MKRN2: variants seen among roughly 807,000 people sequenced by gnomAD.
MKRN2 encodes the protein makorin ring finger protein 2.
MKRN2 carries 32 observed loss-of-function variants against 45.4 expected under a neutral mutation model. The observed-to-expected ratio is 0.70, with a 90% CI of 0.53 to 0.95. The LOEUF (loss-of-function observed/expected upper bound fraction) is 0.95. Among genes scored for constraint, MKRN2 ranks in the 40% least tolerant of loss-of-function variants. MKRN2 has a pLI of 0.00. For missense variants in MKRN2, 526 were observed against 536.7 expected (o/e 0.98, Z 0.20); for synonymous variants, 206 against 192.4 (o/e 1.07, Z -0.59).
At chr3:12,563,721 C>T (rs1411833959) in intron 1 of MKRN2, among the ~76,000 whole-genome samples, 1 of 51,824 alleles carries the variant, frequency 1.9e-5, no homozygotes, top group Non-Finnish European at 3.6e-5. Flanking sequence ...AACTCCTGAC[C>T]TCATGATCCG....
At chr3:12,576,062 T>C (rs977369759) in intron 5 of MKRN2, among the ~76,000 whole-genome samples, 3 of 152,208 alleles carry the variant, frequency 2.0e-5, no homozygotes, top group African/African-American at 4.8e-5. Flanking sequence ...TTTTATGGTA[T>C]AATAACTCTA....
At chr3:12,573,236 G>A (rs1046647490) in intron 4 of MKRN2, among the ~76,000 whole-genome samples, 11 of 152,032 alleles carry the variant, frequency 7.2e-5, no homozygotes, top group Non-Finnish European at 1.5e-4. Flanking sequence ...GATAAGAGGC[G>A]GGGGAGGGCC....
intron 1 of MKRN2, among the ~76,000 whole-genome samples, chr3:12,563,996 A>C (rs1465206777): frequency 6.6e-6 from 1 of 151,456 alleles, no homozygotes; most frequent in Non-Finnish European, 1.5e-5. Context: ...CCCAGGCTGG[A>C]GTGCAGTGGC....
intron 4 of MKRN2, among the ~76,000 whole-genome samples, chr3:12,573,491 GC>G: frequency 6.6e-6 from 1 of 151,582 alleles, no homozygotes; most frequent in East Asian, 1.9e-4. Flanking sequence ...CCAAGATTGT[GC>G]CACTGCACTA....
chr3:12,576,946 T>TTTTTTTTTTTG (rs2058143692), intron 6 of MKRN2: 2 of 271,292 alleles, frequency 7.4e-6, no homozygotes, highest in African/African-American at 2.9e-5. Flanking sequence ...TTTTTTTTTT[T>TTTTTTTTTTTG]TTTTTTTTTT....
At position 12,572,343 on chromosome 3, in the gene MKRN2, C is replaced by T. The variant is rs138757842; in HGVS notation, c.612C>T (p.Phe204=). The T allele has an allele frequency of 5.2e-5, 83 of 1,588,496 alleles. No individual in the cohort carries two copies. In the African/African-American group the frequency reaches 8.2e-4, roughly 16 times the overall value. ...GTAGGCTGCAAGTCTTGCACCCATT[C>T]GACCCAGAGCAGAGGAAGGCTCATG... is the stretch of plus-strand genomic sequence containing the variant. The part of the protein sequence containing the change: ...EICRLQVLHP[F]DPEQRKAHEK... Residue 204 remains phenylalanine, a synonymous_variant, in exon 4 of 8, where the codon TTC becomes TTT. Transcript: ENST00000170447.
At chr3:12,565,525 T>G (rs2058064161) in intron 1 of MKRN2, among the ~76,000 whole-genome samples, 1 of 24,156 alleles carries the variant, frequency 4.1e-5, no homozygotes, top group African/African-American at 7.0e-4. Flanking sequence ...CCAACTTACC[T>G]TTTTTTTTTT....
intron 1 of MKRN2, among the ~76,000 whole-genome samples, chr3:12,559,959 A>T (rs2058022782): frequency 1.3e-5 from 2 of 152,194 alleles, no homozygotes; most frequent in Non-Finnish European, 2.9e-5. Context: ...AAAGTCACAA[A>T]ACATGGGGGA....
At chr3:12,574,423 A>T (rs1042503884) in intron 4 of MKRN2, among the ~76,000 whole-genome samples, 1 of 152,252 alleles carries the variant, frequency 6.6e-6, no homozygotes, top group African/African-American at 2.4e-5. Flanking sequence ...TCTGATGTAG[A>T]CATGGCTCAG....
Position 12,557,087 on chromosome 3 carries a change from A to AAGGCCG in MKRN2, c.-59_-54dup. 1 of 1,331,804 alleles carries AAGGCCG rather than the reference A, an allele frequency of 7.5e-7. No homozygotes were observed. Among genetic ancestry groups the AAGGCCG allele is most frequent in the Non-Finnish European group, 9.8e-7 (1 of 1,025,420 alleles). The allele number at this position is 1,331,804 out of a possible 1,614,324, so 82.5% of individuals were successfully genotyped here. A position where few individuals can be genotyped will look rare whatever the true frequency, so the allele number is the denominator to read the frequency against. Reference sequence around the variant, plus strand: ...ACGCGGGATGGGCCGGGCCAGGGCCAAGGCCGAGGCGGCAGCGGCTGCGAG... The same window carrying AAGGCCG: ...ACGCGGGATGGGCCGGGCCAGGGCCAAGGCCGAGGCCGAGGCGGCAGCGGCTGCGAG... On this transcript the variant is annotated 5_prime_UTR_variant, in exon 1 of 8. Transcript: ENST00000170447.
rs1313944818 is a variant in MKRN2 at position 12,572,226 on chromosome 3, C to T, written c.495C>T (p.Ser165=). Residue 165 remains serine, a synonymous_variant, in exon 4 of 8, where the codon AGC becomes AGT. Transcript: ENST00000170447. ...LDDVEASSSY[S]NEQQLCPYAA... The stretch of plus-strand genomic sequence containing the variant: ...ACGTGGAGGCCAGCAGCTCCTACAG[C>T]AACGAGCAGCAGCTGTGCCCCTACG... The T allele has an allele frequency of 2.5e-6, 4 of 1,614,008 alleles. No individual in the cohort carries two copies. The African/African-American group carries it at 5.3e-5, about 22-fold the overall frequency.
chr3:12,565,339 T>C (rs1407004232), intron 1 of MKRN2, among the ~76,000 whole-genome samples: 1 of 152,170 alleles, frequency 6.6e-6, no homozygotes, highest in Non-Finnish European at 1.5e-5. Flanking sequence ...GTCTCCTGTA[T>C]TTTCTATGAA....
chr3:12,563,592 C>T (rs1355880596), intron 1 of MKRN2, among the ~76,000 whole-genome samples: 3 of 148,074 alleles, frequency 2.0e-5, no homozygotes, highest in Non-Finnish European at 3.0e-5. Flanking sequence ...TGAGTTCAAG[C>T]GATTCTCATG....
chr3:12,565,937 A>G (rs1048382381), intron 1 of MKRN2, among the ~76,000 whole-genome samples: 2 of 151,898 alleles, frequency 1.3e-5, no homozygotes, highest in African/African-American at 4.8e-5. Flanking sequence ...AGTGGTGCAA[A>G]CAGAGCTCAC....
intron 1 of MKRN2, among the ~76,000 whole-genome samples, chr3:12,562,548 T>G (rs1403432508): frequency 2.0e-5 from 3 of 152,192 alleles, no homozygotes; most frequent in Non-Finnish European, 4.4e-5. Context: ...TACTGCACAA[T>G]GTCTGATCTA....
At chr3:12,565,995 C>T (rs948143721) in intron 1 of MKRN2, among the ~76,000 whole-genome samples, 15 of 152,056 alleles carry the variant, frequency 9.9e-5, no homozygotes, top group African/African-American at 3.6e-4. Flanking sequence ...ACCTCAGGCC[C>T]CCAAGTAGCC....
chr3:12,578,858 A>ATTTTTT (rs374121518), intron 6 of MKRN2, among the ~76,000 whole-genome samples: 2 of 125,230 alleles, frequency 1.6e-5, no homozygotes, highest in Non-Finnish European at 3.3e-5. Context: ...CTAAAGCTTG[A>ATTTTTT]TTTTTTTTTT....
intron 1 of MKRN2, among the ~76,000 whole-genome samples, chr3:12,566,954 C>A (rs921264270): frequency 4.6e-5 from 7 of 152,182 alleles, no homozygotes; most frequent in Admixed American, 1.3e-4. Flanking sequence ...TTATGTTTTT[C>A]TTTAAATCTT....
chr3:12,575,741 A>C (rs1003031796), intron 5 of MKRN2, among the ~76,000 whole-genome samples: 9 of 152,152 alleles, frequency 5.9e-5, no homozygotes, highest in Admixed American at 5.9e-4. Context: ...AGAGTTGCCT[A>C]TTCTGGACAC....
Sources: allele counts gnomAD v4.1 joint callset (sites outside exome capture counted in the v4.1 genomes callset), GRCh38; gene constraint gnomAD v4.1.1; transcripts MANE v1.5; gene names NCBI Gene and HGNC (gene_info 2026-07-23, HGNC 2026-07-21).